TMEM123: variants seen among roughly 807,000 people sequenced by gnomAD.
TMEM123 encodes the protein porimin.
A neutral mutation model predicts 19.7 loss-of-function variants in TMEM123; 16 were observed. That is an observed-to-expected ratio of 0.81 (90% CI 0.55 to 1.23). TMEM123 has a LOEUF of 1.23. Ranked by LOEUF, TMEM123 falls within the 50% of genes most tolerant of loss-of-function variation. The pLI, the probability that TMEM123 is intolerant of heterozygous loss-of-function variation, is 0.00. For missense variants in TMEM123, 313 were observed against 257.8 expected (o/e 1.21, Z -1.47); for synonymous variants, 118 against 99.4 (o/e 1.19, Z -1.12).
At position 102,397,027 on chromosome 11, in the gene TMEM123, T is replaced by C. The variant is rs944707482; in HGVS notation, c.*1840A>G. 6.6e-6 allele frequency: 1 copy of C among 152,166 alleles called. No homozygotes were observed. The highest frequency in any genetic ancestry group is 1.5e-5 in the Non-Finnish European group (1 of 68,014). 9.4% of individuals were successfully genotyped at this position (152,166 alleles called of 1,614,324 possible). A position where few individuals can be genotyped will look rare whatever the true frequency, so the allele number is the denominator to read the frequency against. On this transcript the variant is annotated 3_prime_UTR_variant, in exon 5 of 5. Transcript: ENST00000398136. ...TACATTTTGCAAAGAAATGAAGCAA[T>C]GGTTGCACAACCAGTCAGGGCCAAG...
chr11:102,414,598 A>T (rs930245228), intron 2 of TMEM123, among the ~76,000 whole-genome samples: 1 of 152,228 alleles, frequency 6.6e-6, no homozygotes, highest in South Asian at 2.1e-4. Context: ...TAGCTAAGCT[A>T]AACTTCATGA....
chr11:102,443,851 G>GA (rs1393490494), intron 2 of TMEM123, among the ~76,000 whole-genome samples: 2 of 151,928 alleles, frequency 1.3e-5, no homozygotes, highest in South Asian at 2.1e-4. Flanking sequence ...AAATTTACAA[G>GA]AAAAAAATCA....
intron 2 of TMEM123, among the ~76,000 whole-genome samples, chr11:102,419,552 G>A (rs1353982757): frequency 5.9e-5 from 9 of 152,200 alleles, no homozygotes; most frequent in Admixed American, 5.9e-4. Context: ...CAGTCTGTTA[G>A]ACAATGGCTT....
chr11:102,411,281 C>G (rs1325051081), intron 2 of TMEM123, among the ~76,000 whole-genome samples: 4 of 152,162 alleles, frequency 2.6e-5, no homozygotes, highest in Non-Finnish European at 5.9e-5. Flanking sequence ...TTGGTGAACA[C>G]ATGGAGGTGC....
rs1292151156 is a variant in TMEM123 at position 102,396,547 on chromosome 11, G to GTACT, written c.*2316_*2319dup. ...AAATTTTAAAATTGGCTTCTGCCTA[G>GTACT]TACTTATACATCTGGATTGTTTGTT... On this transcript the variant is annotated 3_prime_UTR_variant, in exon 5 of 5. Coordinates refer to ENST00000398136, the MANE Select transcript of TMEM123 (RefSeq NM_052932.3). The GTACT allele has an allele frequency of 5.9e-5, 9 of 151,998 alleles. No individual in the cohort carries two copies. Among genetic ancestry groups the GTACT allele is most frequent in the Non-Finnish European group, 1.2e-4 (8 of 67,990 alleles). 9.4% of individuals were successfully genotyped at this position (151,998 alleles called of 1,614,324 possible).
In TMEM123 at chr11:102,401,916, T is replaced by G; in HGVS notation, c.448A>C (p.Ile150Leu). The G allele has an allele frequency of 6.2e-7, 1 of 1,613,394 alleles. No individual in the cohort carries two copies. The highest frequency in any genetic ancestry group is 8.5e-7 in the Non-Finnish European group (1 of 1,179,444). Residue 150 changes from isoleucine (I) to leucine (L), a missense_variant and splice_region_variant, in exon 3 of 5, where the codon ATC (isoleucine) becomes CTC (leucine). Coordinates refer to ENST00000398136, the MANE Select transcript of TMEM123 (RefSeq NM_052932.3). Reference protein sequence around the residue: ...SVTSAASSVTITTTMHSEAKK... With the variant: ...SVTSAASSVTLTTTMHSEAKK... ...AAAAAAGGTCAGCTTTAATACATAC[T>G]TGTTACTGATGAAGCAGCAGATGTC... is the stretch of plus-strand genomic sequence containing the variant.
chr11:102,401,879 G>T, intron 3 of TMEM123, 37 bp downstream of exon 3: 1 of 1,591,072 alleles, frequency 6.3e-7, no homozygotes. Context: ...TTAACTACTT[G>T]CAGCATAGGA....
At chr11:102,443,730 A>C (rs539343720) in intron 2 of TMEM123, among the ~76,000 whole-genome samples, 1 of 152,350 alleles carries the variant, frequency 6.6e-6, no homozygotes, top group Non-Finnish European at 1.5e-5. Context: ...TTTGCATGGC[A>C]AAAGAAACTA....
chr11:102,426,123 A>AT (rs1952124530), intron 2 of TMEM123, among the ~76,000 whole-genome samples: 1 of 152,352 alleles, frequency 6.6e-6, no homozygotes, highest in African/African-American at 2.4e-5. Flanking sequence ...CTATAATGAA[A>AT]TATCAGTCTT....
intron 2 of TMEM123, among the ~76,000 whole-genome samples, chr11:102,447,897 A>C (rs557394235): frequency 1.8e-4 from 27 of 152,362 alleles, no homozygotes; most frequent in African/African-American, 5.5e-4. Context: ...ACAGGAATAA[A>C]AACTCCAGCA....
At chr11:102,449,978 A>T (rs1232092502) in intron 1 of TMEM123, among the ~76,000 whole-genome samples, 3 of 152,092 alleles carry the variant, frequency 2.0e-5, no homozygotes, top group African/African-American at 7.2e-5. Context: ...TTCTACTATA[A>T]ACCTGCTCCT....
chr11:102,438,768 G>GT (rs2088260287), intron 2 of TMEM123, among the ~76,000 whole-genome samples: 2 of 152,230 alleles, frequency 1.3e-5, no homozygotes, highest in Admixed American at 6.5e-5. Context: ...CCCACAGAGC[G>GT]TAAGCCGAAG....
chr11:102,404,723 C>CA (rs1565347388), intron 2 of TMEM123, among the ~76,000 whole-genome samples: 1 of 152,032 alleles, frequency 6.6e-6, no homozygotes, highest in Non-Finnish European at 1.5e-5. Context: ...CCTCAGCCTC[C>CA]TTAGTAGCTG....
At chr11:102,442,973 G>A (rs1857842898) in intron 2 of TMEM123, among the ~76,000 whole-genome samples, 1 of 152,110 alleles carries the variant, frequency 6.6e-6, no homozygotes. Flanking sequence ...AAAATACCTA[G>A]GAATCCAACT....
At chr11:102,405,726 A>C (rs1159277765) in intron 2 of TMEM123, among the ~76,000 whole-genome samples, 2 of 152,180 alleles carry the variant, frequency 1.3e-5, no homozygotes, top group Admixed American at 6.5e-5. Context: ...AACATTCTTC[A>C]AAGATACTGT....
chr11:102,402,127 T>A lies in TMEM123; in HGVS notation c.237A>T (p.Ser79=), dbSNP rs201136572. 6.8e-6 allele frequency: 11 copies of A among 1,614,072 alleles called. No individual in the cohort carries two copies. The highest frequency in any genetic ancestry group is 8.5e-7 in the Non-Finnish European group (1 of 1,180,044). The change falls in exon 3 of 5, where the codon TCA becomes TCT. Residue 79 remains serine, a synonymous_variant. Transcript: ENST00000398136. Reference sequence around the variant, plus strand: ...TGGTGACCGTTGTATTACTGGAGTCTGAGGCAACTGAAGTTGGTGGTTTCA... The same window carrying A: ...TGGTGACCGTTGTATTACTGGAGTCAGAGGCAACTGAAGTTGGTGGTTTCA... ...STVKPPTSVA[S]DSSNTTVTTM... is the part of the protein sequence containing the mutation.
At chr11:102,423,888 T>C (rs1565351610) in intron 2 of TMEM123, among the ~76,000 whole-genome samples, 2 of 152,220 alleles carry the variant, frequency 1.3e-5, no homozygotes, top group Non-Finnish European at 2.9e-5. Context: ...ATTAAGTGCG[T>C]GCATTATTAA....
intron 2 of TMEM123, among the ~76,000 whole-genome samples, chr11:102,403,497 T>A (rs2135842780): frequency 6.6e-6 from 1 of 152,372 alleles, no homozygotes; most frequent in South Asian, 2.1e-4. Flanking sequence ...TAGGATACAA[T>A]GTCTAGGGAA....
chr11:102,405,487 C>T (rs1215005455), intron 2 of TMEM123, among the ~76,000 whole-genome samples: 2 of 152,152 alleles, frequency 1.3e-5, no homozygotes, highest in Non-Finnish European at 2.9e-5. Context: ...TTATTCAAGT[C>T]TGAATGTTCT....
Sources: gnomAD v4.1 joint callset for allele counts (sites outside exome capture counted in the v4.1 genomes callset) on GRCh38, gnomAD v4.1.1 for gene constraint, MANE v1.5 for transcripts, NCBI Gene and HGNC (gene_info 2026-07-23, HGNC 2026-07-21) for gene names.